HTR2C: variants seen among roughly 807,000 people sequenced by gnomAD.
HTR2C encodes the protein 5-hydroxytryptamine receptor 2C.
In HTR2C, 5 loss-of-function variants were observed where a neutral mutation model predicts 21.0. That is an observed-to-expected ratio of 0.24 (90% confidence interval 0.12 to 0.50). HTR2C has a LOEUF of 0.50. HTR2C is among the 20% of genes least tolerant of loss of function. HTR2C has a pLI of 0.98. For missense variants in HTR2C, 271 were observed against 371.2 expected (o/e 0.73, Z 2.22); for synonymous variants, 150 against 145.3 (o/e 1.03, Z -0.23).
At chrX:114,835,810 T>C (rs1457961523) in intron 4 of HTR2C, among the ~76,000 whole-genome samples, 110 of 110,930 alleles carry the variant, frequency 9.9e-4, no homozygotes, top group African/African-American at 3.4e-3. Flanking sequence ...AGTTTTTCTG[T>C]TCTGTTTTTT....
chrX:114,728,390 C>T (rs1556422551), intron 3 of HTR2C, among the ~76,000 whole-genome samples: 1 of 110,803 alleles, frequency 9.0e-6, no homozygotes, highest in African/African-American at 3.3e-5. Flanking sequence ...TTTATAATTT[C>T]ACTGAGCATG....
At chrX:114,728,429 A>G (rs966326837) in intron 3 of HTR2C, among the ~76,000 whole-genome samples, 3 of 110,963 alleles carry the variant, frequency 2.7e-5, no homozygotes, top group African/African-American at 9.8e-5. Context: ...ATTTAATTAT[A>G]ATACAGACAA....
chrX:114,586,367 TTTAA>T (rs1324377377), intron 1 of HTR2C, among the ~76,000 whole-genome samples: 1 of 111,845 alleles, frequency 8.9e-6, no homozygotes, highest in African/African-American at 3.3e-5. Context: ...TTATAGAATA[TTTAA>T]TTATATTTTT....
At chrX:114,652,938 CA>C (rs1312538206) in intron 2 of HTR2C, among the ~76,000 whole-genome samples, 1 of 104,289 alleles carries the variant, frequency 9.6e-6, no homozygotes, top group Non-Finnish European at 2.0e-5. Flanking sequence ...ATCAAGTGCA[CA>C]AAAGTATTTA....
At chrX:114,618,611 G>T (rs1406459456) in intron 2 of HTR2C, among the ~76,000 whole-genome samples, 4 of 111,024 alleles carry the variant, frequency 3.6e-5, no homozygotes, top group Non-Finnish European at 7.5e-5. Context: ...ATGTGTATTA[G>T]TCTTAGCCTT....
chrX:114,830,656 A>G (rs28410866), intron 4 of HTR2C, among the ~76,000 whole-genome samples: 2,766 of 42,197 alleles, frequency 0.066, 88 homozygotes, highest in African/African-American at 0.21. Context: ...AGTTAAAGAG[A>G]TAAACTTTAT....
intron 2 of HTR2C, among the ~76,000 whole-genome samples, chrX:114,647,067 A>T (rs1218599239): frequency 9.0e-6 from 1 of 111,313 alleles, no homozygotes; most frequent in Non-Finnish European, 1.9e-5. Context: ...TGGTTCCCAG[A>T]GGCCTGAGTG....
At chrX:114,865,774 A>C (rs1189761508) in intron 5 of HTR2C, among the ~76,000 whole-genome samples, 6 of 110,787 alleles carry the variant, frequency 5.4e-5, no homozygotes, top group African/African-American at 2.0e-4. Flanking sequence ...TTCTTGGTAA[A>C]AATTTTATTT....
At chrX:114,616,054 A>C (rs1382936282) in intron 2 of HTR2C, among the ~76,000 whole-genome samples, 1 of 111,476 alleles carries the variant, frequency 9.0e-6, no homozygotes, top group Non-Finnish European at 1.9e-5. Flanking sequence ...GTCAGGGTAT[A>C]TCAGTGACAT....
At chrX:114,678,628 T>C (rs1602682209) in intron 2 of HTR2C, among the ~76,000 whole-genome samples, 1 of 111,707 alleles carries the variant, frequency 9.0e-6, no homozygotes, top group East Asian at 2.8e-4. Flanking sequence ...TTTCACATTC[T>C]GGTAATCATA....
At chrX:114,594,733 G>GT (rs1927764890) in intron 1 of HTR2C, among the ~76,000 whole-genome samples, 1 of 108,979 alleles carries the variant, frequency 9.2e-6, no homozygotes. Context: ...ATGCAGATAT[G>GT]TTTTTTTGAG....
intron 2 of HTR2C, among the ~76,000 whole-genome samples, chrX:114,686,367 C>A (rs1286888535): frequency 9.0e-6 from 1 of 110,559 alleles, no homozygotes; most frequent in Non-Finnish European, 1.9e-5. Flanking sequence ...ACTATTATTC[C>A]CCCTATCAGA....
chrX:114,676,641 C>T (rs1414803120), intron 2 of HTR2C, among the ~76,000 whole-genome samples: 1 of 112,112 alleles, frequency 8.9e-6, no homozygotes, highest in East Asian at 2.8e-4. Flanking sequence ...GACAGAAGTA[C>T]TCATGAGAGT....
chrX:114,616,283 TTTTA>T (rs1556400227), intron 2 of HTR2C, among the ~76,000 whole-genome samples: 2 of 110,180 alleles, frequency 1.8e-5, no homozygotes, highest in African/African-American at 6.6e-5. Context: ...TTATTTTTAT[TTTTA>T]TTTATTTATT....
chrX:114,787,312 A>G (rs1321826295), intron 4 of HTR2C, among the ~76,000 whole-genome samples: 2 of 112,055 alleles, frequency 1.8e-5, no homozygotes, highest in Admixed American at 1.9e-4. Context: ...GCAATAACAC[A>G]TTGCATCAAT....
intron 2 of HTR2C, among the ~76,000 whole-genome samples, chrX:114,681,876 T>C (rs1556413553): frequency 9.0e-6 from 1 of 111,408 alleles, no homozygotes; most frequent in African/African-American, 3.3e-5. Context: ...TACGTTCCCC[T>C]TTCCATAAAC....
chrX:114,897,052 C>T (rs1024497509), intron 5 of HTR2C, among the ~76,000 whole-genome samples: 2 of 111,504 alleles, frequency 1.8e-5, no homozygotes, highest in South Asian at 3.7e-4. Context: ...GGATTGCCAT[C>T]GGATATCTTA....
At chrX:114,858,256 A>C (rs1396554496) in intron 5 of HTR2C, among the ~76,000 whole-genome samples, 1 of 111,292 alleles carries the variant, frequency 9.0e-6, no homozygotes, top group East Asian at 2.8e-4. Context: ...ATTGTTTTAA[A>C]ATTGGTATTG....
intron 1 of HTR2C, among the ~76,000 whole-genome samples, chrX:114,604,609 C>T (rs782413805): frequency 9.0e-6 from 1 of 111,064 alleles, no homozygotes; most frequent in Non-Finnish European, 1.9e-5. Context: ...AGTCAGAGAG[C>T]CTTGGGCCAG....
Sources: allele counts gnomAD v4.1 joint callset (sites outside exome capture counted in the v4.1 genomes callset), GRCh38; gene constraint gnomAD v4.1.1; transcripts MANE v1.5; gene names NCBI Gene and HGNC (gene_info 2026-07-23, HGNC 2026-07-21).